The following GRIK2 variants were observed in gnomAD, a reference collection of about 807,000 sequenced individuals.
GRIK2 encodes the protein glutamate ionotropic receptor kainate type subunit 2.
A neutral mutation model predicts 100.3 loss-of-function variants in GRIK2; 32 were observed. That is an observed-to-expected ratio of 0.32 (90% CI 0.24 to 0.43). The LOEUF (loss-of-function observed/expected upper bound fraction) is 0.43. GRIK2 is among the 20% of genes least tolerant of loss of function. The pLI is 1.00. For synonymous variants in GRIK2, 417 were observed against 389.4 expected, an observed-to-expected ratio of 1.07 and a Z score of -0.83; for missense variants, 843 against 1,114.9, an observed-to-expected ratio of 0.76 and a Z score of 3.47.
At chr6:101,497,255 T>C (rs1398171836) in intron 2 of GRIK2, among the ~76,000 whole-genome samples, 3 of 152,180 alleles carry the variant, frequency 2.0e-5, no homozygotes, top group Admixed American at 2.0e-4. Flanking sequence ...CACCCTTCCA[T>C]TTGCTTCTTC....
At chr6:101,930,159 T>C (rs776278838) in intron 14 of GRIK2, among the ~76,000 whole-genome samples, 1 of 151,910 alleles carries the variant, frequency 6.6e-6, no homozygotes, top group Admixed American at 6.6e-5. Context: ...CTCCATAACA[T>C]GGCAAAATTC....
rs200924339 is a variant in GRIK2, at chr6:101,763,841, G to GT, written c.952-35798dup. On this transcript the variant is annotated intron_variant, in intron 7 of 16. Coordinates refer to ENST00000369134, the MANE Select transcript of GRIK2 (RefSeq NM_021956.5). ...AGGCCATGCGTTTTTTTGTTTTTTT[G>GT]TTTTTTTTTCCTGGGCCCTGCAAAT... Among the ~76,000 whole-genome samples, 629 of 146,320 alleles carry GT rather than the reference G, an allele frequency of 4.3e-3. 5 individuals carry two copies. The highest frequency in any genetic ancestry group is 0.016 in the African/African-American group (601 of 38,206).
intron 9 of GRIK2, among the ~76,000 whole-genome samples, chr6:101,817,029 CG>C (rs1277768650): frequency 6.6e-6 from 1 of 152,094 alleles, no homozygotes; most frequent in Non-Finnish European, 1.5e-5. Flanking sequence ...TTGATATGAC[CG>C]GCTTGGCTCC....
Position 102,018,966 on chromosome 6 carries a change from AT to A in GRIK2, c.2086-16368del, listed in dbSNP as rs1769282662. On this transcript the variant is annotated intron_variant, in intron 14 of 16. Transcript: ENST00000369134. ...TTTGTTTAAAATAAATTTTTAAATT[AT>A]TTTTTTCTGCGAAGGGGTTTGAAAT... 4.6e-5 allele frequency among the ~76,000 whole-genome samples: 7 copies of A among 151,932 alleles called. No homozygotes were observed. The South Asian group carries it at 1.5e-3, about 32-fold the overall frequency.
At chr6:101,759,515 G>A (rs1777348921) in intron 7 of GRIK2, among the ~76,000 whole-genome samples, 1 of 152,114 alleles carries the variant, frequency 6.6e-6, no homozygotes, top group African/African-American at 2.4e-5. Context: ...AAGTAGGGCA[G>A]ATATTATTGC....
chr6:101,660,478 T>C (rs1238902149), intron 4 of GRIK2, among the ~76,000 whole-genome samples: 1 of 152,186 alleles, frequency 6.6e-6, no homozygotes, highest in Non-Finnish European at 1.5e-5. Context: ...CTTCTGTCAA[T>C]TCATCAAACT....
intron 2 of GRIK2, among the ~76,000 whole-genome samples, chr6:101,508,582 A>G (rs1774137010): frequency 6.6e-6 from 1 of 152,138 alleles, no homozygotes; most frequent in Admixed American, 6.5e-5. Context: ...TTTCTTGTCA[A>G]GATACTAAGA....
chr6:101,877,150 T>C (rs577921830), intron 11 of GRIK2, among the ~76,000 whole-genome samples: 18 of 151,824 alleles, frequency 1.2e-4, no homozygotes, highest in South Asian at 2.1e-4. Flanking sequence ...CACACACACA[T>C]ATATATATGT....
intron 2 of GRIK2, among the ~76,000 whole-genome samples, chr6:101,617,833 T>G (rs1779967698): frequency 6.6e-6 from 1 of 151,712 alleles, no homozygotes; most frequent in South Asian, 2.1e-4. Flanking sequence ...CTTTTCTGTC[T>G]CTCCCTCTGT....
intron 2 of GRIK2, among the ~76,000 whole-genome samples, chr6:101,513,844 TTA>T (rs3057420): frequency 0.59 from 89,562 of 150,680 alleles, 27,163 homozygotes; most frequent in South Asian, 0.76. Context: ...TCTTAAAACA[TTA>T]TATTAATTGA....
intron 7 of GRIK2, among the ~76,000 whole-genome samples, chr6:101,777,563 A>G (rs9498698): frequency 0.11 from 17,259 of 152,210 alleles, 2,108 homozygotes; most frequent in East Asian, 0.66. Flanking sequence ...TTAATTTTCA[A>G]TGATAAAATG....
Position 102,006,391 on chromosome 6 carries a change from T to TATATA in GRIK2, c.2086-28950_2086-28949insATATA, listed in dbSNP as rs1491491868. The stretch of plus-strand genomic sequence containing the variant: ...TTTTATATATATATATATATATATA[T>TATATA]TTTTTTTTTTTTTGAGACATACAGT... On this transcript the variant is annotated intron_variant, in intron 14 of 16. Coordinates refer to ENST00000369134, the MANE Select transcript of GRIK2 (RefSeq NM_021956.5). 9.2e-3 allele frequency among the ~76,000 whole-genome samples: 718 copies of TATATA among 78,158 alleles called. 3 individuals carry two copies. Among genetic ancestry groups the TATATA allele is most frequent in the East Asian group, 0.037 (121 of 3,290 alleles). 51.3% of individuals were successfully genotyped at this position (78,158 alleles called of 152,430 possible).
At chr6:101,576,508 G>A (rs1373458529) in intron 2 of GRIK2, among the ~76,000 whole-genome samples, 1 of 151,824 alleles carries the variant, frequency 6.6e-6, no homozygotes, top group Non-Finnish European at 1.5e-5. Context: ...TTTATATTAT[G>A]TAAGTATGAT....
intron 2 of GRIK2, among the ~76,000 whole-genome samples, chr6:101,525,804 C>T (rs573429726): frequency 5.3e-5 from 8 of 152,196 alleles, no homozygotes; most frequent in Middle Eastern, 3.4e-3. Flanking sequence ...GCTGTCAATT[C>T]TGTTACATGA....
chr6:101,947,153 C>G (rs982576727), intron 14 of GRIK2, among the ~76,000 whole-genome samples: 1 of 152,234 alleles, frequency 6.6e-6, no homozygotes, highest in Non-Finnish European at 1.5e-5. Flanking sequence ...AAAGTTTAAT[C>G]AAGCTGAAAT....
At chr6:101,858,376 A>ATTTTTTTTTTTTTTTTTTTTTT (rs66505184) in intron 10 of GRIK2, among the ~76,000 whole-genome samples, 2 of 125,468 alleles carry the variant, frequency 1.6e-5, no homozygotes, top group Non-Finnish European at 1.6e-5. Context: ...CTCTCTCTCT[A>ATTTTTTTTTTTTTTTTTTTTTT]TTTTTTTTTC....
chr6:102,059,550 CT>C (rs1771640951), intron 16 of GRIK2, among the ~76,000 whole-genome samples: 1 of 150,962 alleles, frequency 6.6e-6, no homozygotes. Context: ...TCTTCTAAGA[CT>C]TACTTTTGGC....
chr6:101,705,668 C>T (rs527724019), intron 7 of GRIK2, among the ~76,000 whole-genome samples: 58 of 151,858 alleles, frequency 3.8e-4, no homozygotes, highest in Non-Finnish European at 4.7e-4. Flanking sequence ...AAAATAGTGA[C>T]GGTTACTGCA....
At chr6:101,813,867 G>A (rs139498036) in intron 9 of GRIK2, among the ~76,000 whole-genome samples, 1 of 151,928 alleles carries the variant, frequency 6.6e-6, no homozygotes, top group African/African-American at 2.4e-5. Context: ...GGAGGCTGAG[G>A]TGGGGAGAAT....
Sources: gnomAD v4.1 joint callset for allele counts (sites outside exome capture counted in the v4.1 genomes callset) on GRCh38, gnomAD v4.1.1 for gene constraint, MANE v1.5 for transcripts, NCBI Gene and HGNC (gene_info 2026-07-23, HGNC 2026-07-21) for gene names.